TTC27: variants seen among roughly 807,000 people sequenced by gnomAD.
The protein encoded by TTC27 is tetratricopeptide repeat protein 27.
A neutral mutation model predicts 115.9 loss-of-function variants in TTC27; 79 were observed. The ratio of observed to expected loss-of-function variants is 0.68; its 90% CI spans 0.57 to 0.82. The LOEUF (loss-of-function observed/expected upper bound fraction) is 0.82. TTC27 is among the 40% of genes least tolerant of loss of function. The probability of loss-of-function intolerance (pLI) is 0.00; values close to 1 mark genes in which losing one functional copy is unlikely to be tolerated. For missense variants in TTC27, 1,054 were observed against 993.1 expected, an observed-to-expected ratio of 1.06 and a Z score of -0.82; for synonymous variants, 401 against 356.0, an observed-to-expected ratio of 1.13 and a Z score of -1.42.
chr2:32,652,675 A>G (rs10445876), intron 5 of TTC27, among the ~76,000 whole-genome samples: 2,275 of 152,290 alleles, frequency 0.015, 31 homozygotes, highest in Middle Eastern at 0.027. Flanking sequence ...GGCTAGGTCT[A>G]AATAGATTCG....
At chr2:32,728,993 CTA>C (rs1257263352) in intron 10 of TTC27, among the ~76,000 whole-genome samples, 1 of 61,790 alleles carries the variant, frequency 1.6e-5, no homozygotes, top group Non-Finnish European at 3.7e-5. Flanking sequence ...TTCCATCTTC[CTA>C]TACACACACA....
Position 32,817,651 on chromosome 2 carries a change from T to C in TTC27, c.2409+94T>C. On this transcript the variant is annotated intron_variant, in intron 19 of 19. Coordinates refer to ENST00000317907, the MANE Select transcript of TTC27 (RefSeq NM_017735.5). Reference sequence around the variant, plus strand: ...GTTAAATCTTCTTTTACATCAGTGATAATTTTAGGCGCATGTTTTATTTAA... The same window carrying C: ...GTTAAATCTTCTTTTACATCAGTGACAATTTTAGGCGCATGTTTTATTTAA... The C allele has an allele frequency of 4.4e-6, 5 of 1,129,428 alleles. No homozygotes were observed. In the South Asian group the frequency reaches 6.5e-5, roughly 15 times the overall value. The allele number at this position is 1,129,428 out of a possible 1,614,324, so 70.0% of individuals were successfully genotyped here. A position where few individuals can be genotyped will look rare whatever the true frequency, so the allele number is the denominator to read the frequency against.
rs148142820 is a variant in TTC27 at position 32,678,868 on chromosome 2, A to G, written c.1065A>G (p.Gln355=). 1 of 1,609,342 alleles carries G rather than the reference A, an allele frequency of 6.2e-7. No individual in the cohort carries two copies. The highest frequency in any genetic ancestry group is 8.5e-7 in the Non-Finnish European group (1 of 1,177,626). The stretch of plus-strand genomic sequence containing the variant: ...TCTTAATTTAAAGCACTAATTTTCA[A>G]AAGAATAACCCAGTGCACACATTAA... ...AIILGICTNF[Q]KNNPVHTLTE... The change falls in exon 9 of 20, where the codon CAA becomes CAG. Residue 355 remains glutamine (Q), a synonymous_variant. Transcript: ENST00000317907.
chr2:32,707,768 G>A (rs1424582730), intron 10 of TTC27, among the ~76,000 whole-genome samples: 2 of 151,992 alleles, frequency 1.3e-5, no homozygotes, highest in Non-Finnish European at 2.9e-5. Flanking sequence ...CACTGAGAGG[G>A]CCTAGAAGCA....
intron 12 of TTC27, among the ~76,000 whole-genome samples, chr2:32,741,806 A>G (rs1668658730): frequency 6.6e-6 from 1 of 152,142 alleles, no homozygotes; most frequent in Non-Finnish European, 1.5e-5. Flanking sequence ...AGCAATCTCC[A>G]TGTAGGACAC....
At chr2:32,766,473 C>T (rs1033418707) in intron 13 of TTC27, 14 of 452,428 alleles carry the variant, frequency 3.1e-5, no homozygotes, top group East Asian at 7.2e-5. Flanking sequence ...CTTAGGGAAG[C>T]GGGAGGCCTG....
rs984946597 is a variant in TTC27 at position 32,733,762 on chromosome 2, C to A, written c.1234-66C>A. On this transcript the variant is annotated intron_variant, in intron 10 of 19. Transcript: ENST00000317907. ...TATATGTGCATTTGTATAACTATTA[C>A]AATAAGGACTTATTTATATTATAAG... The A allele has an allele frequency of 1.1e-4, 109 of 978,478 alleles. No homozygotes were observed. In the Middle Eastern group the frequency reaches 1.6e-3, roughly 14 times the overall value. 60.6% of individuals were successfully genotyped at this position (978,478 alleles called of 1,614,324 possible).
intron 16 of TTC27, among the ~76,000 whole-genome samples, chr2:32,797,054 G>T (rs940169356): frequency 1.3e-5 from 2 of 151,184 alleles, no homozygotes; most frequent in Non-Finnish European, 2.9e-5. Flanking sequence ...CACGCCTGTA[G>T]TCCCAGCTAT....
intron 12 of TTC27, among the ~76,000 whole-genome samples, chr2:32,754,965 C>T (rs540694491): frequency 0.011 from 1,665 of 151,070 alleles, 29 homozygotes; most frequent in African/African-American, 0.038. Context: ...GGTGGAGGGG[C>T]TCCTCACTTC....
intron 10 of TTC27, among the ~76,000 whole-genome samples, chr2:32,714,711 G>A (rs779931965): frequency 6.6e-6 from 1 of 152,134 alleles, no homozygotes; most frequent in Non-Finnish European, 1.5e-5. Flanking sequence ...CCCATCAACG[G>A]TATGTAAGTG....
intron 1 of TTC27, among the ~76,000 whole-genome samples, chr2:32,629,148 T>A (rs1022974352): frequency 6.8e-6 from 1 of 147,390 alleles, no homozygotes; most frequent in African/African-American, 2.5e-5. Context: ...GGGGATGGAG[T>A]CTCCCTCTTG....
intron 2 of TTC27, among the ~76,000 whole-genome samples, chr2:32,633,098 A>T (rs567854083): frequency 1.3e-5 from 2 of 152,322 alleles, no homozygotes; most frequent in East Asian, 3.9e-4. Context: ...ACTTTATATC[A>T]TCACTTTTCT....
At chr2:32,806,736 G>A (rs181305020) in intron 16 of TTC27, among the ~76,000 whole-genome samples, 16 of 151,872 alleles carry the variant, frequency 1.1e-4, no homozygotes, top group African/African-American at 3.9e-4. Flanking sequence ...AGCCAAGATC[G>A]CGCCACTGCA....
At chr2:32,767,712 C>T (rs1342435297) in intron 13 of TTC27, among the ~76,000 whole-genome samples, 3 of 151,878 alleles carry the variant, frequency 2.0e-5, no homozygotes, top group African/African-American at 7.3e-5. Flanking sequence ...CCACCCGCCT[C>T]GGCCTCCCAA....
intron 3 of TTC27, among the ~76,000 whole-genome samples, chr2:32,636,399 A>G (rs1664428742): frequency 6.6e-6 from 1 of 152,204 alleles, no homozygotes; most frequent in South Asian, 2.1e-4. Context: ...TTTTTAGTAG[A>G]GACGGGGTTT....
At chr2:32,765,002 G>A (rs1669575540) in intron 13 of TTC27, among the ~76,000 whole-genome samples, 1 of 152,176 alleles carries the variant, frequency 6.6e-6, no homozygotes, top group Non-Finnish European at 1.5e-5. Context: ...AGTCATCCAT[G>A]AAAGTTGGAA....
chr2:32,681,974 ATATATATGTGTGTG>A (rs1284493056), intron 9 of TTC27, among the ~76,000 whole-genome samples: 3 of 62,322 alleles, frequency 4.8e-5, no homozygotes, highest in Non-Finnish European at 1.0e-4. Context: ...ATATATATGT[ATATATATGTGTGTG>A]TGTGTGTGTG....
At chr2:32,802,353 T>A (rs750934637) in intron 16 of TTC27, among the ~76,000 whole-genome samples, 2 of 152,244 alleles carry the variant, frequency 1.3e-5, no homozygotes, top group Non-Finnish European at 2.9e-5. Context: ...TTAAGTTACC[T>A]AGTTTTTAAA....
chr2:32,638,988 A>C (rs1224606596), intron 3 of TTC27, among the ~76,000 whole-genome samples: 1 of 151,714 alleles, frequency 6.6e-6, no homozygotes, highest in Non-Finnish European at 1.5e-5. Flanking sequence ...ACCCACCACC[A>C]CGCCCGGCTA....
Sources: gnomAD v4.1 joint callset for allele counts (sites outside exome capture counted in the v4.1 genomes callset) on GRCh38, gnomAD v4.1.1 for gene constraint, MANE v1.5 for transcripts, NCBI Gene and HGNC (gene_info 2026-07-23, HGNC 2026-07-21) for gene names.